Variants in TOPBP1 observed in about 807,000 individuals in gnomAD.
TOPBP1 encodes the protein DNA topoisomerase 2-binding protein 1.
TOPBP1 carries 28 observed loss-of-function variants against 167.7 expected under a neutral mutation model. That is an observed-to-expected ratio of 0.17 (90% CI 0.12 to 0.23). The LOEUF (loss-of-function observed/expected upper bound fraction) is 0.23. Ranked by LOEUF, TOPBP1 falls within the 10% of genes least tolerant of loss-of-function variation. The probability of loss-of-function intolerance (pLI) is 1.00; values close to 1 mark genes in which losing one functional copy is unlikely to be tolerated. For missense variants in TOPBP1, 1,554 were observed against 1,809.6 expected (o/e 0.86, Z 2.56); for synonymous variants, 598 against 611.4 (o/e 0.98, Z 0.32).
intron 14 of TOPBP1, among the ~76,000 whole-genome samples, chr3:133,629,801 T>A (rs1559818323): frequency 6.6e-6 from 1 of 151,864 alleles, no homozygotes; most frequent in African/African-American, 2.4e-5. Flanking sequence ...ATATATATAT[T>A]TTTGAGACGG....
At chr3:133,620,604 C>A (rs896648008) in intron 19 of TOPBP1, among the ~76,000 whole-genome samples, 1 of 138,842 alleles carries the variant, frequency 7.2e-6, no homozygotes, top group Non-Finnish European at 1.5e-5. Flanking sequence ...TGGTGATAGT[C>A]TAGCACTGTC....
chr3:133,657,532 T>A (rs1936520453), intron 4 of TOPBP1, among the ~76,000 whole-genome samples: 1 of 151,848 alleles, frequency 6.6e-6, no homozygotes, highest in African/African-American at 2.4e-5. Context: ...AGTGGAAAAA[T>A]GTAAGTGATT....
At chr3:133,611,683 G>T (rs1934685959) in intron 24 of TOPBP1, among the ~76,000 whole-genome samples, 1 of 152,310 alleles carries the variant, frequency 6.6e-6, no homozygotes, top group Middle Eastern at 3.4e-3. Flanking sequence ...TATTGAAAAA[G>T]CTGGTATACT....
At chr3:133,616,231 T>TGC (rs1395859640) in intron 23 of TOPBP1, among the ~76,000 whole-genome samples, 1 of 152,090 alleles carries the variant, frequency 6.6e-6, no homozygotes, top group Non-Finnish European at 1.5e-5. Context: ...GCGATTCTCT[T>TGC]GCCTCAGCCT....
At chr3:133,652,039 G>A (rs1037697990) in intron 8 of TOPBP1, among the ~76,000 whole-genome samples, 1 of 151,956 alleles carries the variant, frequency 6.6e-6, no homozygotes, top group African/African-American at 2.4e-5. Flanking sequence ...GGGAGACTGA[G>A]GGGTGGCTGA....
At chr3:133,617,754 T>C (rs903363877) in intron 21 of TOPBP1, among the ~76,000 whole-genome samples, 2 of 151,756 alleles carry the variant, frequency 1.3e-5, no homozygotes, top group Admixed American at 6.6e-5. Context: ...AGATGAGAGA[T>C]AGGAAAATTT....
In TOPBP1 at chr3:133,649,601, T is replaced by G; in HGVS notation, c.1286A>C (p.Glu429Ala). 6.2e-7 allele frequency: 1 copy of G among 1,613,718 alleles called. No individual in the cohort carries two copies. The highest frequency in any genetic ancestry group is 8.5e-7 in the Non-Finnish European group (1 of 1,179,838). ...PHVVGAKWLLECFSKGYMLSE... is the reference protein window; with the variant it reads ...PHVVGAKWLLACFSKGYMLSE... ...AAGCATATAACCTTTACTGAAACAC[T>G]CTAGCAACCACTTTGCTCCCACTAC... The change falls in exon 10 of 28, where the codon GAG becomes GCG. Residue 429 changes from glutamate (E) to alanine (A), a missense_variant. Glu to Ala is a moderately radical substitution (Grantham distance 107). Around this residue, in one of 3 missense-constraint regions of TOPBP1, gnomAD observed 1,197 missense variants for 1,351.5 expected, o/e 0.89. Transcript: ENST00000260810.
rs1934275837 is a variant in TOPBP1, at chr3:133,601,072, T to G, written c.*178A>C. On this transcript the variant is annotated 3_prime_UTR_variant, in exon 28 of 28. Coordinates refer to ENST00000260810, the MANE Select transcript of TOPBP1 (RefSeq NM_007027.4). ...AGGTAACTTTTTATTAAGAAACAGT[T>G]AATATTTCAGTGATTACAATTTCAG... 2 of 461,150 alleles carry G rather than the reference T, an allele frequency of 4.3e-6. No homozygotes were observed. The highest frequency in any genetic ancestry group is 7.3e-5 in the South Asian group (2 of 27,428). 28.6% of individuals were successfully genotyped at this position (461,150 alleles called of 1,614,324 possible).
intron 19 of TOPBP1, among the ~76,000 whole-genome samples, chr3:133,621,754 A>G (rs910538207): frequency 6.6e-6 from 1 of 152,226 alleles, no homozygotes; most frequent in Non-Finnish European, 1.5e-5. Context: ...ACAGAGTGAG[A>G]CTAACCAAAT....
chr3:133,612,476 C>T lies in TOPBP1; in HGVS notation c.3948G>A (p.Glu1316=). 1 of 1,613,998 alleles carries T rather than the reference C, an allele frequency of 6.2e-7. No individual in the cohort carries two copies. The highest frequency in any genetic ancestry group is 8.5e-7 in the Non-Finnish European group (1 of 1,179,868). Residue 1316 remains glutamate, a synonymous_variant, in exon 24 of 28, where the codon GAG becomes GAA. Coordinates refer to ENST00000260810, the MANE Select transcript of TOPBP1 (RefSeq NM_007027.4). ...HIVVGHPLRN[E]KYLASVAAGK... Reference sequence around the variant, plus strand: ...CAGCTGCCACTGAGGCTAAATACTTCTCGTTTCGAAGTGGATGTCCCACAA... The same window carrying T: ...CAGCTGCCACTGAGGCTAAATACTTTTCGTTTCGAAGTGGATGTCCCACAA...
chr3:133,637,366 G>A (rs924553389), intron 14 of TOPBP1, among the ~76,000 whole-genome samples: 1 of 152,106 alleles, frequency 6.6e-6, no homozygotes, highest in Non-Finnish European at 1.5e-5. Flanking sequence ...CAATGCTCAC[G>A]AGATCAAACT....
intron 27 of TOPBP1, among the ~76,000 whole-genome samples, chr3:133,602,891 C>CT (rs1934356003): frequency 1.4e-3 from 198 of 136,868 alleles, no homozygotes; most frequent in African/African-American, 4.9e-3. Flanking sequence ...TACCTTTTTT[C>CT]ATTTTTTTTT....
rs1412888468 is a variant in TOPBP1 at position 133,618,408 on chromosome 3, C to T, written c.3397G>A (p.Val1133Ile). The T allele has an allele frequency of 2.5e-6, 4 of 1,613,826 alleles. No homozygotes were observed. Among genetic ancestry groups the T allele is most frequent in the Non-Finnish European group, 3.4e-6 (4 of 1,179,792 alleles). The change falls in exon 21 of 28, where the codon GTC becomes ATC. Residue 1133 changes from valine to isoleucine, a missense_variant. Physicochemically the swap from Val to Ile is conservative, Grantham distance 29 (BLOSUM62 3). Around this residue, in one of 3 missense-constraint regions of TOPBP1, gnomAD observed 1,197 missense variants for 1,351.5 expected, o/e 0.89. Transcript: ENST00000260810. The part of the protein sequence containing the change: ...LRQSRQTVPD[V>I]NTEPSQNEQI... ...TCATTTTGGGAAGGCTCTGTGTTGA[C>T]ATCAGGTACTGTCTGACGAGACTGC... is the stretch of plus-strand genomic sequence containing the variant.
intron 19 of TOPBP1, among the ~76,000 whole-genome samples, chr3:133,622,607 A>G (rs985982666): frequency 3.9e-5 from 6 of 152,124 alleles, no homozygotes; most frequent in Non-Finnish European, 8.8e-5. Context: ...GCTGGAGAAT[A>G]AGGGTGGAAG....
At chr3:133,620,989 G>A (rs1309928255) in intron 19 of TOPBP1, among the ~76,000 whole-genome samples, 1 of 151,998 alleles carries the variant, frequency 6.6e-6, no homozygotes, top group Non-Finnish European at 1.5e-5. Context: ...AGTCATTTGT[G>A]TATGTGTCTG....
intron 12 of TOPBP1, among the ~76,000 whole-genome samples, chr3:133,641,916 A>C (rs1935900216): frequency 6.6e-6 from 1 of 152,202 alleles, no homozygotes; most frequent in Non-Finnish European, 1.5e-5. Flanking sequence ...AGAAGACAGA[A>C]TCTTGCTAAC....
intron 2 of TOPBP1, among the ~76,000 whole-genome samples, 188 bp downstream of exon 2, chr3:133,660,856 C>A (rs184939189): frequency 2.6e-5 from 4 of 152,094 alleles, no homozygotes; most frequent in Non-Finnish European, 5.9e-5. Context: ...CTTCCAGCCC[C>A]CCGAAATACA....
chr3:133,614,490 A>C (rs1286029870), intron 23 of TOPBP1, among the ~76,000 whole-genome samples: 2 of 152,178 alleles, frequency 1.3e-5, no homozygotes, highest in African/African-American at 2.4e-5. Context: ...ATTGGGCATA[A>C]TATCTATTAT....
At chr3:133,608,840 GT>G (rs1431311588) in intron 26 of TOPBP1, 32 bp downstream of exon 26, 1 of 1,585,976 alleles carries the variant, frequency 6.3e-7, no homozygotes. Context: ...GATTATTCAT[GT>G]AAAAAGGTCA....
Sources: allele counts gnomAD v4.1 joint callset (sites outside exome capture counted in the v4.1 genomes callset), GRCh38; gene constraint gnomAD v4.1.1; regional missense constraint gnomAD v4.1.1; transcripts MANE v1.5; gene names NCBI Gene and HGNC (gene_info 2026-07-23, HGNC 2026-07-21).